The following EPHA7 variants were observed in gnomAD, a reference collection of about 807,000 sequenced individuals.
EPHA7 encodes the protein EPH receptor A7, also known as ephrin type-A receptor 7.
Under a neutral mutation model 112.6 loss-of-function variants are expected in EPHA7, and 25 were observed. The ratio of observed to expected loss-of-function variants is 0.22; its 90% CI spans 0.16 to 0.31. The LOEUF is 0.31. Among genes scored for constraint, EPHA7 ranks in the 10% least tolerant of loss-of-function variants. The pLI is 1.00. For missense variants in EPHA7, 962 were observed against 1,212.6 expected, an observed-to-expected ratio of 0.79 and a Z score of 3.07; for synonymous variants, 437 against 406.5, an observed-to-expected ratio of 1.07 and a Z score of -0.90.
chr6:93,361,662 A>C (rs1776267668), intron 3 of EPHA7, among the ~76,000 whole-genome samples: 1 of 152,064 alleles, frequency 6.6e-6, no homozygotes, highest in Admixed American at 6.6e-5. Flanking sequence ...ACTACTAGTA[A>C]AAAGTCTTCA....
rs1301909854 is a variant in EPHA7, at chr6:93,255,156, A to G, written c.2383-360T>C. On this transcript the variant is annotated intron_variant, in intron 13 of 16. Transcript: ENST00000369303. Reference sequence around the variant, plus strand: ...GCCAGGAGTTCAAGATCAGCCTGGCAAACATGGTGTAAACCCGTCTCTACT... The same window carrying G: ...GCCAGGAGTTCAAGATCAGCCTGGCGAACATGGTGTAAACCCGTCTCTACT... Among the ~76,000 whole-genome samples, 4 of 150,900 alleles carry G rather than the reference A, an allele frequency of 2.7e-5. No individual in the cohort carries two copies. In the East Asian group the frequency reaches 8.0e-4, roughly 30 times the overall value.
At chr6:93,281,324 T>G (rs912996504) in intron 5 of EPHA7, among the ~76,000 whole-genome samples, 5 of 152,160 alleles carry the variant, frequency 3.3e-5, no homozygotes, top group Non-Finnish European at 5.9e-5. Context: ...CTATTTTGAT[T>G]GGTGAGGAAA....
chr6:93,354,410 C>T (rs1285757212), intron 5 of EPHA7, among the ~76,000 whole-genome samples: 5 of 152,110 alleles, frequency 3.3e-5, no homozygotes, highest in South Asian at 2.1e-4. Context: ...TAATACAAAA[C>T]TGCAAACCTA....
intron 3 of EPHA7, 60 bp from the exon 4 acceptor site, chr6:93,358,471 A>C: frequency 7.0e-7 from 1 of 1,432,080 alleles, no homozygotes; most frequent in Non-Finnish European, 9.4e-7. Flanking sequence ...TTTAAAAAAA[A>C]ATTGTATTAT....
chr6:93,260,488 A>G, intron 9 of EPHA7: 1 of 926,454 alleles, frequency 1.1e-6, no homozygotes, highest in Non-Finnish European at 1.3e-6. Flanking sequence ...CCTCAAAAAA[A>G]CTTTATTGTT....
At chr6:93,276,783 T>G (rs1322944752) in intron 5 of EPHA7, among the ~76,000 whole-genome samples, 1 of 152,038 alleles carries the variant, frequency 6.6e-6, no homozygotes, top group Non-Finnish European at 1.5e-5. Flanking sequence ...AACACAATGT[T>G]TCACAGAAAA....
chr6:93,264,820 A>G (rs983612582), intron 7 of EPHA7, 118 bp from the exon 8 acceptor site: 1 of 464,138 alleles, frequency 2.2e-6, no homozygotes, highest in African/African-American at 2.0e-5. Flanking sequence ...TAACTGCATT[A>G]TATTGTAACA....
In EPHA7 at chr6:93,410,411, T is replaced by C. The variant is rs1220968966; in HGVS notation, c.832+90A>G. 2.5e-6 allele frequency: 3 copies of C among 1,195,498 alleles called. No individual in the cohort carries two copies. Among genetic ancestry groups the C allele is most frequent in the African/African-American group, 3.0e-5 (2 of 65,742 alleles). The allele number at this position is 1,195,498 out of a possible 1,614,324, so 74.1% of individuals were successfully genotyped here. A position where few individuals can be genotyped will look rare whatever the true frequency, so the allele number is the denominator to read the frequency against. The stretch of plus-strand genomic sequence containing the variant: ...ATTGCGCTTCTGGTACAGAGCAGAT[T>C]CACGTATTCAAATAACTATTAAAGT... On this transcript the variant is annotated intron_variant, in intron 3 of 16. Coordinates refer to ENST00000369303, the MANE Select transcript of EPHA7 (RefSeq NM_004440.4). The surrounding 1 kb of genome is among the most constrained non-coding windows in gnomAD (Gnocchi z 4.0).
At chr6:93,267,920 A>G (rs1397958299) in intron 7 of EPHA7, among the ~76,000 whole-genome samples, 1 of 151,738 alleles carries the variant, frequency 6.6e-6, no homozygotes, top group Non-Finnish European at 1.5e-5. Flanking sequence ...AGTTTAAACT[A>G]TTTATTAAAA....
At chr6:93,296,098 T>C (rs1210605441) in intron 5 of EPHA7, among the ~76,000 whole-genome samples, 2 of 151,696 alleles carry the variant, frequency 1.3e-5, no homozygotes, top group Non-Finnish European at 3.0e-5. Flanking sequence ...CATTTGAAAA[T>C]GTTTTGTGGT....
intron 5 of EPHA7, among the ~76,000 whole-genome samples, chr6:93,291,596 G>A (rs1772373021): frequency 6.7e-6 from 1 of 148,398 alleles, no homozygotes; most frequent in Non-Finnish European, 1.5e-5. Flanking sequence ...GTGAAACCCC[G>A]TCTCTACTAA....
Position 93,240,440 on chromosome 6 carries a change from C to T in EPHA7, c.*2986G>A, listed in dbSNP as rs1236474962. The T allele has an allele frequency of 4.6e-6, 1 of 218,388 alleles. No individual in the cohort carries two copies. The highest frequency in any genetic ancestry group is 9.2e-6 in the Non-Finnish European group (1 of 108,822). The allele number at this position is 218,388 out of a possible 1,614,324, so 13.5% of individuals were successfully genotyped here. On this transcript the variant is annotated 3_prime_UTR_variant, in exon 17 of 17. Coordinates refer to ENST00000369303, the MANE Select transcript of EPHA7 (RefSeq NM_004440.4). The stretch of plus-strand genomic sequence containing the variant: ...AATTAAAATATAGTCCTAAACAGTA[C>T]TAGCTAATGTAGATTACATAAGTAT...
In EPHA7 at chr6:93,258,203, A is replaced by C; in HGVS notation, c.2006T>G (p.Val669Gly). 1 of 1,613,300 alleles carries C rather than the reference A, an allele frequency of 6.2e-7. No individual in the cohort carries two copies. Among genetic ancestry groups the C allele is most frequent in the Non-Finnish European group, 8.5e-7 (1 of 1,179,594 alleles). Residue 669 changes from valine to glycine, a missense_variant, in exon 11 of 17, where the codon GTT (valine) becomes GGT (glycine). Val to Gly is a moderately radical substitution (Grantham distance 109). Coordinates refer to ENST00000369303, the MANE Select transcript of EPHA7 (RefSeq NM_004440.4). Reference sequence around the variant, plus strand: ...TCTCCTTTGTTTTTCTGTGTAACCAACTTTCAGGGTTTTTATGGCTACTGC... The same window carrying C: ...TCTCCTTTGTTTTTCTGTGTAACCACCTTTCAGGGTTTTTATGGCTACTGC... ...DVAVAIKTLK[V>G]GYTEKQRRDF... is the part of the protein sequence containing the mutation.
chr6:93,288,086 C>A (rs1377605434), intron 5 of EPHA7, among the ~76,000 whole-genome samples: 1 of 151,992 alleles, frequency 6.6e-6, no homozygotes, highest in Non-Finnish European at 1.5e-5. Context: ...AGTTATCTAC[C>A]CGCAAGAAAT....
chr6:93,410,847 T>C lies in EPHA7; in HGVS notation c.486A>G (p.Glu162=). Residue 162 remains glutamate (E), a synonymous_variant, in exon 3 of 17, where the codon GAA becomes GAG. Transcript: ENST00000369303. This position sits in a 1 kb window ranked among gnomAD's most constrained non-coding sequence, Gnocchi z 4.0. ...CCTCAGTGTTAAGCTTCATCTTTCT[T>C]TCACCAAGGTCACCTTGGGTAAAAC... ...DESFTQGDLG[E]RKMKLNTEVR... 3 of 1,614,004 alleles carry C rather than the reference T, an allele frequency of 1.9e-6. No homozygotes were observed. Among genetic ancestry groups the C allele is most frequent in the Non-Finnish European group, 2.5e-6 (3 of 1,179,944 alleles).
At chr6:93,397,922 A>G (rs1778259693) in intron 3 of EPHA7, among the ~76,000 whole-genome samples, 1 of 151,978 alleles carries the variant, frequency 6.6e-6, no homozygotes, top group East Asian at 1.9e-4. Flanking sequence ...AGTCAACTTT[A>G]TCCCAGCTTG....
At chr6:93,387,586 T>C (rs1777675292) in intron 3 of EPHA7, among the ~76,000 whole-genome samples, 1 of 152,084 alleles carries the variant, frequency 6.6e-6, no homozygotes, top group African/African-American at 2.4e-5. Flanking sequence ...TATGAAGAAA[T>C]AGCCCAAACT....
intron 3 of EPHA7, among the ~76,000 whole-genome samples, chr6:93,373,162 C>T (rs1201323436): frequency 6.6e-6 from 1 of 151,744 alleles, no homozygotes; most frequent in East Asian, 1.9e-4. Flanking sequence ...AGTAATATAT[C>T]TTTGGAATTA....
intron 5 of EPHA7, among the ~76,000 whole-genome samples, chr6:93,355,878 C>A (rs746548575): frequency 6.6e-6 from 1 of 151,914 alleles, no homozygotes; most frequent in Non-Finnish European, 1.5e-5. Context: ...GCCATTTATT[C>A]GAATATAAAA....
Sources: gnomAD v4.1 joint callset for allele counts (sites outside exome capture counted in the v4.1 genomes callset) on GRCh38, gnomAD v4.1.1 for gene constraint, Gnocchi (gnomAD v3.1) non-coding constraint, MANE v1.5 for transcripts, NCBI Gene and HGNC (gene_info 2026-07-23, HGNC 2026-07-21) for gene names.